PLXNA4: variants seen among roughly 807,000 people sequenced by gnomAD.
PLXNA4 encodes plexin-A4.
Under a neutral mutation model 191.8 loss-of-function variants are expected in PLXNA4, and 44 were observed. The ratio of observed to expected loss-of-function variants is 0.23; its 90% CI spans 0.18 to 0.29. PLXNA4 has a LOEUF of 0.29. Among genes scored for constraint, PLXNA4 ranks in the 10% least tolerant of loss-of-function variants. The probability of loss-of-function intolerance (pLI) is 1.00; values close to 1 mark genes in which losing one functional copy is unlikely to be tolerated. For synonymous variants in PLXNA4, 1,082 were observed against 1,009.5 expected, an observed-to-expected ratio of 1.07 and a Z score of -1.36; for missense variants, 1,800 against 2,488.8, an observed-to-expected ratio of 0.72 and a Z score of 5.89.
Position 132,165,213 on chromosome 7 carries a change from A to G in PLXNA4, c.4287-13T>C. 1 of 1,610,750 alleles carries G rather than the reference A, an allele frequency of 6.2e-7. No individual in the cohort carries two copies. Among genetic ancestry groups the G allele is most frequent in the South Asian group, 1.1e-5 (1 of 90,590 alleles). ...CACTGACTCAGTCCTGTCAGCAGTCACCGAGGGAACCAACGGAACAAGACA... is the reference window on the plus strand; with the variant it reads ...CACTGACTCAGTCCTGTCAGCAGTCGCCGAGGGAACCAACGGAACAAGACA... On this transcript the variant is annotated splice_polypyrimidine_tract_variant and intron_variant, in intron 22 of 31. Coordinates refer to ENST00000321063, the MANE Select transcript of PLXNA4 (RefSeq NM_020911.2).
At chr7:132,364,978 C>T (rs113939471) in intron 3 of PLXNA4, among the ~76,000 whole-genome samples, 369 of 152,324 alleles carry the variant, frequency 2.4e-3, no homozygotes, top group Admixed American at 5.9e-3. Context: ...GGGTTATTGT[C>T]CCATGCCAAT....
chr7:132,474,643 C>CAT (rs1264818397), intron 3 of PLXNA4, among the ~76,000 whole-genome samples: 12 of 150,822 alleles, frequency 8.0e-5, no homozygotes, highest in African/African-American at 2.7e-4. Flanking sequence ...CACACGCGCG[C>CAT]GCACGCACAC....
At chr7:132,632,654 AGTT>A (rs2116880641) in intron 2 of PLXNA4, among the ~76,000 whole-genome samples, 1 of 152,362 alleles carries the variant, frequency 6.6e-6, no homozygotes, top group Non-Finnish European at 1.5e-5. Context: ...AAAATTGCCA[AGTT>A]TATATTTTGC....
intron 13 of PLXNA4, 41 bp downstream of exon 13, chr7:132,198,444 C>T: frequency 6.2e-7 from 1 of 1,601,784 alleles, no homozygotes; most frequent in Non-Finnish European, 8.5e-7. Context: ...AACCCGTCTT[C>T]CCTCCCCTGT....
intron 3 of PLXNA4, among the ~76,000 whole-genome samples, chr7:132,331,796 C>G (rs144479673): frequency 6.6e-6 from 1 of 152,256 alleles, no homozygotes; most frequent in East Asian, 1.9e-4. Flanking sequence ...AACCAGTGTG[C>G]CCTGTGAGGT....
chr7:132,394,985 T>G (rs117684026), intron 3 of PLXNA4, among the ~76,000 whole-genome samples: 9 of 152,216 alleles, frequency 5.9e-5, no homozygotes, highest in Admixed American at 1.3e-4. Flanking sequence ...CACATGCAGA[T>G]GTAGTCCTGC....
chr7:132,485,974 A>T (rs1365237202), intron 3 of PLXNA4, among the ~76,000 whole-genome samples: 1 of 152,162 alleles, frequency 6.6e-6, no homozygotes, highest in African/African-American at 2.4e-5. Context: ...GCCCACGGAT[A>T]GCTCGGTCTA....
Position 132,628,629 on chromosome 7 carries a change from T to C in PLXNA4, c.-87+17299A>G, listed in dbSNP as rs559444106. 3.3e-5 allele frequency among the ~76,000 whole-genome samples: 5 copies of C among 152,224 alleles called. No homozygotes were observed. The South Asian group carries it at 8.3e-4, about 25-fold the overall frequency. On this transcript the variant is annotated intron_variant, in intron 2 of 4. Transcript: ENST00000378539. ...TATTTTTTGGATCTCCTGGATTTTC[T>C]TTATTTTTCTCTTCCATTTCAGTCT... is the stretch of plus-strand genomic sequence containing the variant.
chr7:132,561,673 C>A (rs1801095700), intron 1 of PLXNA4, among the ~76,000 whole-genome samples: 1 of 139,204 alleles, frequency 7.2e-6, no homozygotes, highest in Non-Finnish European at 1.6e-5. Flanking sequence ...TCATCCTCCT[C>A]CTTCTCCTCC....
intron 3 of PLXNA4, among the ~76,000 whole-genome samples, chr7:132,453,133 A>T (rs1343553341): frequency 2.0e-5 from 3 of 152,208 alleles, no homozygotes; most frequent in Non-Finnish European, 4.4e-5. Context: ...ATAAGGGCCA[A>T]AAAAACAGTT....
intron 2 of PLXNA4, among the ~76,000 whole-genome samples, chr7:132,592,526 T>TC (rs2116828405): frequency 6.6e-6 from 1 of 151,872 alleles, no homozygotes; most frequent in African/African-American, 2.4e-5. Flanking sequence ...AACCTTTTTT[T>TC]TTTTTTCTGA....
At chr7:132,583,624 C>G (rs58603753) in intron 2 of PLXNA4, among the ~76,000 whole-genome samples, 3,005 of 152,296 alleles carry the variant, frequency 0.02, 87 homozygotes, top group African/African-American at 0.066. Context: ...AGACAGTTGC[C>G]TTAGGGATTC....
intron 3 of PLXNA4, among the ~76,000 whole-genome samples, chr7:132,395,693 G>A (rs912519265): frequency 6.6e-6 from 1 of 152,224 alleles, no homozygotes; most frequent in Admixed American, 6.5e-5. Flanking sequence ...GCCTCTTGGA[G>A]AGAGGGGAGA....
At chr7:132,168,690 C>T (rs1796195389) in intron 21 of PLXNA4, 118 bp from the exon 22 acceptor site, 8 of 1,379,798 alleles carry the variant, frequency 5.8e-6, no homozygotes, top group East Asian at 2.5e-5. Context: ...AGCCACAGTC[C>T]ACCTGGCTAA....
At chr7:132,420,699 A>G (rs1395045567) in intron 3 of PLXNA4, among the ~76,000 whole-genome samples, 2 of 152,238 alleles carry the variant, frequency 1.3e-5, no homozygotes, top group South Asian at 2.1e-4. Flanking sequence ...CCCCACTCAA[A>G]TCTCATCTTG....
intron 2 of PLXNA4, among the ~76,000 whole-genome samples, chr7:132,612,653 G>A (rs1322748998): frequency 8.2e-6 from 1 of 122,062 alleles, no homozygotes; most frequent in Non-Finnish European, 1.6e-5. Context: ...AACAGAAAGA[G>A]TCTCCATCTC....
intron 1 of PLXNA4, among the ~76,000 whole-genome samples, chr7:132,511,657 T>C (rs1440771362): frequency 6.6e-6 from 1 of 152,168 alleles, no homozygotes; most frequent in Non-Finnish European, 1.5e-5. Flanking sequence ...GAAATGATAG[T>C]TGCTGTCGTT....
chr7:132,346,127 C>T (rs975363806), intron 3 of PLXNA4, among the ~76,000 whole-genome samples: 1 of 152,210 alleles, frequency 6.6e-6, no homozygotes, highest in Non-Finnish European at 1.5e-5. Context: ...GACAAGTATA[C>T]CCTGGTCCAG....
intron 3 of PLXNA4, among the ~76,000 whole-genome samples, chr7:132,487,273 G>T (rs1797599903): frequency 6.6e-6 from 1 of 152,066 alleles, no homozygotes; most frequent in Admixed American, 6.5e-5. Context: ...AAATTCAGCG[G>T]GTAAGACTCT....
Sources: allele counts gnomAD v4.1 joint callset (sites outside exome capture counted in the v4.1 genomes callset), GRCh38; gene constraint gnomAD v4.1.1; transcripts MANE v1.5; gene names NCBI Gene and HGNC (gene_info 2026-07-23, HGNC 2026-07-21).